The following CCDC150 variants were observed in gnomAD, a reference collection of about 807,000 sequenced individuals.
CCDC150 encodes coiled-coil domain containing 150, also known as coiled-coil domain-containing protein 150.
Under a neutral mutation model 156.5 loss-of-function variants are expected in CCDC150, and 151 were observed. The ratio of observed to expected loss-of-function variants is 0.97; its 90% CI spans 0.85 to 1.10. CCDC150 has a LOEUF of 1.10. Among genes scored for constraint, CCDC150 ranks in the 50% least tolerant of loss-of-function variants. CCDC150 has a pLI of 0.00. For synonymous variants in CCDC150, 452 were observed against 429.4 expected (o/e 1.05, Z -0.65); for missense variants, 1,312 against 1,268.1 (o/e 1.03, Z -0.53).
Position 196,646,643 on chromosome 2 carries a change from A to G in CCDC150, c.176+139A>G, listed in dbSNP as rs151240295. The G allele has an allele frequency of 6.3e-4, 420 of 670,524 alleles. 2 individuals carry two copies. The African/African-American group carries it at 6.5e-3, about 10-fold the overall frequency. 41.5% of individuals were successfully genotyped at this position (670,524 alleles called of 1,614,324 possible). On this transcript the variant is annotated intron_variant, in intron 2 of 27. Transcript: ENST00000389175. ...TTCATTTGAGCATCACTTAGAAAAC[A>G]TTTGCAAAATGAAGAGTTGTCGTTC...
chr2:196,697,986 A>G (rs967765714), intron 14 of CCDC150, among the ~76,000 whole-genome samples: 1 of 152,086 alleles, frequency 6.6e-6, no homozygotes, highest in African/African-American at 2.4e-5. Context: ...CTTTCTCTGT[A>G]TGATGTTTCT....
At chr2:196,681,674 G>A (rs1376678377) in intron 13 of CCDC150, among the ~76,000 whole-genome samples, 1 of 152,098 alleles carries the variant, frequency 6.6e-6, no homozygotes, top group Non-Finnish European at 1.5e-5. Flanking sequence ...GGTGTGAAGT[G>A]GTACCTCATT....
Position 196,658,857 on chromosome 2 carries a change from A to C in CCDC150, c.642A>C (p.Gln214His). The C allele has an allele frequency of 6.3e-7, 1 of 1,598,260 alleles. No homozygotes were observed. The highest frequency in any genetic ancestry group is 8.5e-7 in the Non-Finnish European group (1 of 1,170,542). ...TTKRKMNLKI[Q>H]ELRRQLAQEK... Reference sequence around the variant, plus strand: ...AACGTAAAATGAACCTTAAAATTCAAGAGGTAAGACAAAAAGATGGAGGGT... The same window carrying C: ...AACGTAAAATGAACCTTAAAATTCACGAGGTAAGACAAAAAGATGGAGGGT... Residue 214 changes from glutamine (Q) to histidine (H), a missense_variant, in exon 5 of 28, where the codon CAA becomes CAC. By Grantham distance (24) the Gln-to-His change is conservative (BLOSUM62 0). Coordinates refer to ENST00000389175, the MANE Select transcript of CCDC150 (RefSeq NM_001080539.2).
chr2:196,688,290 T>C (rs1416809867), intron 13 of CCDC150, among the ~76,000 whole-genome samples: 1 of 152,200 alleles, frequency 6.6e-6, no homozygotes, highest in Admixed American at 6.5e-5. Context: ...AGCAGTGTTT[T>C]GTAGTTCTTG....
chr2:196,672,116 CATT>C (rs1359224262), intron 8 of CCDC150, among the ~76,000 whole-genome samples: 2 of 152,088 alleles, frequency 1.3e-5, no homozygotes, highest in Admixed American at 1.3e-4. Context: ...AGTGGTATCT[CATT>C]ATTGTTTTAA....
intron 21 of CCDC150, among the ~76,000 whole-genome samples, chr2:196,724,380 T>A (rs560560077): frequency 6.6e-6 from 1 of 152,234 alleles, no homozygotes; most frequent in Non-Finnish European, 1.5e-5. Context: ...AAATTAAAGT[T>A]AATACAAAAT....
intron 8 of CCDC150, among the ~76,000 whole-genome samples, 160 bp downstream of exon 8, chr2:196,670,036 A>G (rs1401647965): frequency 1.3e-5 from 2 of 152,194 alleles, no homozygotes; most frequent in South Asian, 4.1e-4. Context: ...TAGTATTAGG[A>G]ACTAAGAAAT....
At chr2:196,728,823 C>G (rs928315375) in intron 22 of CCDC150, among the ~76,000 whole-genome samples, 7 of 152,078 alleles carry the variant, frequency 4.6e-5, no homozygotes, top group Admixed American at 1.3e-4. Context: ...ATGAAGTAGG[C>G]TATACACACA....
intron 15 of CCDC150, among the ~76,000 whole-genome samples, chr2:196,709,269 A>T (rs749946774): frequency 1.3e-5 from 2 of 152,080 alleles, no homozygotes; most frequent in African/African-American, 2.4e-5. Context: ...TCAATCACTG[A>T]TACCCTTTCT....
chr2:196,672,291 G>T (rs16856309), intron 8 of CCDC150, 54 bp from the exon 9 acceptor site: 55,634 of 808,474 alleles, frequency 0.069, 2,505 homozygotes, highest in African/African-American at 0.17. Context: ...TTTTTATAGG[G>T]GTGCACATAG....
At chr2:196,686,072 TC>T (rs1317032928) in intron 13 of CCDC150, 1 of 157,392 alleles carries the variant, frequency 6.4e-6, no homozygotes, top group Non-Finnish European at 1.4e-5. Context: ...TCTCTTGCTT[TC>T]AACAGTTTAC....
intron 5 of CCDC150, among the ~76,000 whole-genome samples, chr2:196,663,195 G>A (rs1368787544): frequency 6.6e-6 from 1 of 152,144 alleles, no homozygotes; most frequent in Non-Finnish European, 1.5e-5. Flanking sequence ...AGCCATGGTT[G>A]CACCATTGCA....
At chr2:196,705,521 AGTTT>A (rs1390013311) in intron 15 of CCDC150, among the ~76,000 whole-genome samples, 1 of 152,142 alleles carries the variant, frequency 6.6e-6, no homozygotes, top group Non-Finnish European at 1.5e-5. Flanking sequence ...CATGGTAGTT[AGTTT>A]ATTTTGCTAT....
chr2:196,671,573 G>A (rs1413465173), intron 8 of CCDC150, among the ~76,000 whole-genome samples: 1 of 146,368 alleles, frequency 6.8e-6, no homozygotes, highest in African/African-American at 2.5e-5. Flanking sequence ...GATTACAAGT[G>A]CCCTCCACCA....
Position 196,657,099 on chromosome 2 carries a change from G to T in CCDC150, c.539G>T (p.Arg180Met). 1 of 1,613,784 alleles carries T rather than the reference G, an allele frequency of 6.2e-7. No homozygotes were observed. The highest frequency in any genetic ancestry group is 8.5e-7 in the Non-Finnish European group (1 of 1,179,728). Residue 180 changes from arginine (R) to methionine (M), a missense_variant, in exon 4 of 28, where the codon AGG (arginine) becomes ATG (methionine). Arg to Met is a moderately conservative substitution (Grantham distance 91). Coordinates refer to ENST00000389175, the MANE Select transcript of CCDC150 (RefSeq NM_001080539.2). The part of the protein sequence containing the change: ...EEDKAQDEVQ[R>M]LTATLKIASQ... ...GACAAGGCACAAGATGAGGTGCAAAGGTTGACTGCCACTCTGAAGATTGCC... is the reference window on the plus strand; with the variant it reads ...GACAAGGCACAAGATGAGGTGCAAATGTTGACTGCCACTCTGAAGATTGCC...
Position 196,732,744 on chromosome 2 carries a change from T to TTG in CCDC150, c.*184_*185dup. Reference sequence around the variant, plus strand: ...TATCAGTACAAAACTACCCCTTTTTTTGTCCCTTTTCACATTTTCCACCCA... The same window carrying TTG: ...TATCAGTACAAAACTACCCCTTTTTTTGTGTCCCTTTTCACATTTTCCACCCA... On this transcript the variant is annotated 3_prime_UTR_variant, in exon 28 of 28. Coordinates refer to ENST00000389175, the MANE Select transcript of CCDC150 (RefSeq NM_001080539.2). 2 of 416,454 alleles carry TTG rather than the reference T, an allele frequency of 4.8e-6. No individual in the cohort carries two copies. 25.8% of individuals were successfully genotyped at this position (416,454 alleles called of 1,614,324 possible).
chr2:196,673,087 A>G (rs1399238292), intron 9 of CCDC150, among the ~76,000 whole-genome samples: 1 of 152,188 alleles, frequency 6.6e-6, no homozygotes, highest in African/African-American at 2.4e-5. Flanking sequence ...ATGAAGTATA[A>G]AATGAATGTG....
intron 22 of CCDC150, among the ~76,000 whole-genome samples, chr2:196,728,943 C>T (rs1051718075): frequency 6.6e-6 from 1 of 152,158 alleles, no homozygotes; most frequent in African/African-American, 2.4e-5. Context: ...AAGTCATGCT[C>T]TTAAAATGCA....
At chr2:196,729,170 A>C in intron 22 of CCDC150, 23 bp from the exon 23 acceptor site, 2 of 1,574,628 alleles carry the variant, frequency 1.3e-6, no homozygotes, top group South Asian at 1.2e-5. Context: ...AAAATGTTTC[A>C]ATTTTCTCCC....
Sources: gnomAD v4.1 joint callset for allele counts (sites outside exome capture counted in the v4.1 genomes callset) on GRCh38, gnomAD v4.1.1 for gene constraint, MANE v1.5 for transcripts, NCBI Gene and HGNC (gene_info 2026-07-23, HGNC 2026-07-21) for gene names.